The following RNF43 variants were observed in gnomAD, a reference collection of about 807,000 sequenced individuals.
RNF43 encodes ring finger protein 43, also known as E3 ubiquitin-protein ligase RNF43.
In RNF43, 37 loss-of-function variants were observed where a neutral mutation model predicts 78.4. The ratio of observed to expected loss-of-function variants is 0.47; its 90% CI spans 0.36 to 0.62. RNF43 has a LOEUF of 0.62. Among genes scored for constraint, RNF43 ranks in the 20% least tolerant of loss-of-function variants. The pLI, the probability that RNF43 is intolerant of heterozygous loss-of-function variation, is 0.00. For missense variants in RNF43, 774 were observed against 1,007.9 expected (o/e 0.77, Z 3.14); for synonymous variants, 347 against 395.0 (o/e 0.88, Z 1.44).
rs1973698731 is a variant in RNF43 at position 58,397,128 on chromosome 17, G to A, written c.252+18198C>T. ...AAAAGAAAACCACTGAAAACCTAGAGGGGGAAAAATAAATGTATGTGTACA... is the reference window on the plus strand; with the variant it reads ...AAAAGAAAACCACTGAAAACCTAGAAGGGGAAAAATAAATGTATGTGTACA... On this transcript the variant is annotated intron_variant, in intron 2 of 9. Transcript: ENST00000407977. Among the ~76,000 whole-genome samples the A allele has an allele frequency of 2.0e-5, 3 of 151,578 alleles. No individual in the cohort carries two copies. In the South Asian group the frequency reaches 6.2e-4, roughly 31 times the overall value.
At chr17:58,400,602 C>A (rs572673680) in intron 2 of RNF43, among the ~76,000 whole-genome samples, 10 of 152,264 alleles carry the variant, frequency 6.6e-5, no homozygotes, top group African/African-American at 2.2e-4. Context: ...AGAGGTTAAG[C>A]AATTTTTCTT....
rs1201252819 is a variant in RNF43 at position 58,360,519 on chromosome 17, C to A, written c.849+264G>T. On this transcript the variant is annotated intron_variant, in intron 7 of 9. Coordinates refer to ENST00000407977, the MANE Select transcript of RNF43 (RefSeq NM_017763.6). The surrounding 1 kb of genome is among the most constrained non-coding windows in gnomAD (Gnocchi z 4.3). The stretch of plus-strand genomic sequence containing the variant: ...TGAATCTAACCCCACCCTTCATTGC[C>A]ATGGGTCTAAAATGAGATAATGCAT... 1.3e-5 allele frequency among the ~76,000 whole-genome samples: 2 copies of A among 152,186 alleles called. No homozygotes were observed. Among genetic ancestry groups the A allele is most frequent in the African/African-American group, 4.8e-5 (2 of 41,426 alleles).
chr17:58,357,113 T>A lies in RNF43; in HGVS notation c.2308+355A>T. The A allele has an allele frequency of 3.0e-6, 2 of 667,180 alleles. No homozygotes were observed. Among genetic ancestry groups the A allele is most frequent in the Non-Finnish European group, 5.5e-6 (2 of 365,740 alleles). 41.3% of individuals were successfully genotyped at this position (667,180 alleles called of 1,614,324 possible). ...TTCACCATGTTGGCCAGGTTGGTCTTGAACTCCTGGCCTCAAGGGATCCAC... is the reference window on the plus strand; with the variant it reads ...TTCACCATGTTGGCCAGGTTGGTCTAGAACTCCTGGCCTCAAGGGATCCAC... On this transcript the variant is annotated intron_variant, in intron 9 of 9. Coordinates refer to ENST00000407977, the MANE Select transcript of RNF43 (RefSeq NM_017763.6). This position sits in a 1 kb window ranked among gnomAD's most constrained non-coding sequence, Gnocchi z 4.5.
intron 2 of RNF43, among the ~76,000 whole-genome samples, chr17:58,402,432 AT>A (rs572955711): frequency 1.3e-5 from 2 of 152,204 alleles, no homozygotes; most frequent in Non-Finnish European, 2.9e-5. Context: ...CCTATCCATC[AT>A]TTTTTTCCCC....
chr17:58,408,273 T>C (rs1373860223), intron 2 of RNF43, among the ~76,000 whole-genome samples: 1 of 152,226 alleles, frequency 6.6e-6, no homozygotes, highest in Non-Finnish European at 1.5e-5. Context: ...TGAGATTTTA[T>C]GCAAAATTGT....
chr17:58,408,749 T>A (rs185715550), intron 2 of RNF43, among the ~76,000 whole-genome samples: 56 of 152,294 alleles, frequency 3.7e-4, no homozygotes, highest in Admixed American at 1.2e-3. Context: ...GTGATAAGCA[T>A]GTTTTATTCT....
intron 2 of RNF43, among the ~76,000 whole-genome samples, chr17:58,384,858 G>A (rs1020800715): frequency 3.9e-5 from 6 of 152,190 alleles, no homozygotes; most frequent in Admixed American, 1.3e-4. Flanking sequence ...AATGAAAAAT[G>A]TGACTACCAA....
intron 2 of RNF43, among the ~76,000 whole-genome samples, chr17:58,385,388 A>G (rs983178125): frequency 1.3e-5 from 2 of 152,198 alleles, no homozygotes; most frequent in African/African-American, 4.8e-5. Context: ...CCCTAAGCCA[A>G]TAACCTCTCT....
At position 58,357,638 on chromosome 17, in the gene RNF43, T is replaced by A. The variant is rs763063494; in HGVS notation, c.2138A>T (p.Glu713Val). The A allele has an allele frequency of 6.2e-7, 1 of 1,613,466 alleles. No homozygotes were observed. Among genetic ancestry groups the A allele is most frequent in the Admixed American group, 1.7e-5 (1 of 59,964 alleles). Residue 713 changes from glutamate (E) to valine (V), a missense_variant, in exon 9 of 10, where the codon GAA becomes GTA. Physicochemically the swap from Glu to Val is moderately radical, Grantham distance 121 (BLOSUM62 -2). Transcript: ENST00000407977. This position sits in a 1 kb window ranked among gnomAD's most constrained non-coding sequence, Gnocchi z 4.5. ...ATTTGAGTAACAGGGGCCTGGGGTT[T>A]CTGGTAGCAGCCTCTTGTCCAGGCC... ...PPGLDKRLLP[E>V]TPGPCYSNSQ...
chr17:58,392,133 G>A (rs755183510), intron 2 of RNF43, among the ~76,000 whole-genome samples: 1 of 152,274 alleles, frequency 6.6e-6, no homozygotes, highest in African/African-American at 2.4e-5. Context: ...TTCCCCCCAC[G>A]GGATATGCAC....
intron 2 of RNF43, among the ~76,000 whole-genome samples, chr17:58,374,510 AG>A (rs1416194714): frequency 6.6e-6 from 1 of 151,462 alleles, no homozygotes; most frequent in East Asian, 1.9e-4. Flanking sequence ...CTCCTGCCTC[AG>A]CCTCCCAAGT....
Position 58,357,317 on chromosome 17 carries a change from A to T in RNF43, c.2308+151T>A. 1 of 970,606 alleles carries T rather than the reference A, an allele frequency of 1.0e-6. No homozygotes were observed. Among genetic ancestry groups the T allele is most frequent in the Non-Finnish European group, 1.6e-6 (1 of 621,268 alleles). 60.1% of individuals were successfully genotyped at this position (970,606 alleles called of 1,614,324 possible). ...GTTCCTGCACTCTAGCCAGCATGAT[A>T]CGCTGTCCCGATGGTTAAGTATTTT... On this transcript the variant is annotated intron_variant, in intron 9 of 9. Transcript: ENST00000407977. The surrounding 1 kb of genome is among the most constrained non-coding windows in gnomAD (Gnocchi z 4.5).
Position 58,413,401 on chromosome 17 carries a change from A to G in RNF43, c.252+1925T>C, listed in dbSNP as rs376388506. Among the ~76,000 whole-genome samples the G allele has an allele frequency of 1.0e-3, 152 of 152,310 alleles. 2 individuals carry two copies. In the South Asian group the frequency reaches 0.027, roughly 27 times the overall value. ...TGGAAAGTATCCAGAAATGAATACT[A>G]AGCTAGTGAAAAAACTTATTTAAAG... On this transcript the variant is annotated intron_variant, in intron 2 of 9. Transcript: ENST00000407977.
chr17:58,365,932 G>A (rs553778381), intron 3 of RNF43, among the ~76,000 whole-genome samples: 1 of 152,278 alleles, frequency 6.6e-6, no homozygotes, highest in African/African-American at 2.4e-5. Context: ...ATGAGAGTGA[G>A]TTGCAATTCT....
chr17:58,398,851 T>C (rs2143634499), intron 2 of RNF43, among the ~76,000 whole-genome samples: 1 of 152,366 alleles, frequency 6.6e-6, no homozygotes, highest in Admixed American at 6.5e-5. Context: ...TTTATCCTTG[T>C]CTTTCTTTCA....
Position 58,417,515 on chromosome 17 carries a change from A to G in RNF43, c.-884T>C, listed in dbSNP as rs546277203. The G allele has an allele frequency of 1.3e-5, 2 of 152,214 alleles. No homozygotes were observed. Among genetic ancestry groups the G allele is most frequent in the Admixed American group, 6.5e-5 (1 of 15,282 alleles). 9.4% of individuals were successfully genotyped at this position (152,214 alleles called of 1,614,324 possible). A position where few individuals can be genotyped will look rare whatever the true frequency, so the allele number is the denominator to read the frequency against. On this transcript the variant is annotated 5_prime_UTR_variant, in exon 1 of 10. Coordinates refer to ENST00000407977, the MANE Select transcript of RNF43 (RefSeq NM_017763.6). ...ATTCCGAGTGCTTCCTTTCAGAAAG[A>G]CAATTCTGGATCAACTCCCTAGAGC... is the stretch of plus-strand genomic sequence containing the variant.
intron 2 of RNF43, among the ~76,000 whole-genome samples, chr17:58,377,181 G>A (rs952040356): frequency 6.6e-6 from 1 of 152,116 alleles, no homozygotes; most frequent in African/African-American, 2.4e-5. Flanking sequence ...TTTGGAATGG[G>A]AACAAGAATG....
At chr17:58,403,004 TG>T (rs1290824800) in intron 2 of RNF43, among the ~76,000 whole-genome samples, 1 of 151,250 alleles carries the variant, frequency 6.6e-6, no homozygotes, top group Non-Finnish European at 1.5e-5. Context: ...TTTTTTGGGG[TG>T]GGGGGGTAGG....
At chr17:58,378,010 C>T (rs1332927621) in intron 2 of RNF43, among the ~76,000 whole-genome samples, 5 of 151,996 alleles carry the variant, frequency 3.3e-5, no homozygotes, top group Non-Finnish European at 5.9e-5. Context: ...TTCCGGATCC[C>T]GGCACCAGAA....
Sources: allele counts gnomAD v4.1 joint callset (sites outside exome capture counted in the v4.1 genomes callset), GRCh38; gene constraint gnomAD v4.1.1; non-coding constraint Gnocchi (gnomAD v3.1); transcripts MANE v1.5; gene names NCBI Gene and HGNC (gene_info 2026-07-23, HGNC 2026-07-21).